DRAXIN: variants seen among roughly 807,000 people sequenced by gnomAD.
DRAXIN encodes dorsal repulsive axon guidance protein.
DRAXIN carries 27 observed loss-of-function variants against 33.9 expected under a neutral mutation model. The ratio of observed to expected loss-of-function variants is 0.80; its 90% CI spans 0.59 to 1.10. DRAXIN has a LOEUF of 1.10. DRAXIN is among the 50% of genes least tolerant of loss of function. The pLI is 0.00. For synonymous variants in DRAXIN, 178 were observed against 194.0 expected (o/e 0.92, Z 0.69); for missense variants, 371 against 460.8 (o/e 0.81, Z 1.78).
chr1:11,690,618 A>C (rs2100723848), upstream of DRAXIN, among the ~76,000 whole-genome samples: 1 of 152,322 alleles, frequency 6.6e-6, no homozygotes, highest in East Asian at 1.9e-4. The surrounding 1 kb of genome is among the most constrained non-coding windows in gnomAD (Gnocchi z 4.2). Context: ...CTGGAGAAAG[A>C]AAACAGTCGA....
chr1:11,688,520 C>G (rs886395105), upstream of DRAXIN, among the ~76,000 whole-genome samples: 1 of 151,868 alleles, frequency 6.6e-6, no homozygotes, highest in Non-Finnish European at 1.5e-5. This position sits in a 1 kb window ranked among gnomAD's most constrained non-coding sequence, Gnocchi z 4.6. Context: ...AAGATCGCGC[C>G]ACTGCACTCC....
intron 5 of DRAXIN, among the ~76,000 whole-genome samples, chr1:11,714,866 C>T (rs1358056826): frequency 1.3e-5 from 2 of 152,248 alleles, no homozygotes; most frequent in African/African-American, 4.8e-5. Flanking sequence ...GACCTCACAC[C>T]ACCTTCGCTC....
chr1:11,701,176 C>T (rs1020184419), intron 1 of DRAXIN, among the ~76,000 whole-genome samples: 1 of 152,168 alleles, frequency 6.6e-6, no homozygotes, highest in African/African-American at 2.4e-5. Flanking sequence ...TGACTGCACT[C>T]AAGGAGGAAG....
At chr1:11,714,251 A>G (rs954215930) in intron 5 of DRAXIN, among the ~76,000 whole-genome samples, 2 of 141,306 alleles carry the variant, frequency 1.4e-5, no homozygotes, top group African/African-American at 5.0e-5. Flanking sequence ...GGGGTGGGCT[A>G]GGGGTGGGAA....
At chr1:11,703,767 G>T (rs1347183392) in intron 1 of DRAXIN, among the ~76,000 whole-genome samples, 1 of 152,172 alleles carries the variant, frequency 6.6e-6, no homozygotes, top group African/African-American at 2.4e-5. Context: ...GTTCTTGAAG[G>T]GTGGGAGGGA....
At chr1:11,689,742 T>C (rs1369050968), upstream of DRAXIN, among the ~76,000 whole-genome samples, 1 of 152,222 alleles carries the variant, frequency 6.6e-6, no homozygotes, top group Admixed American at 6.5e-5. Flanking sequence ...TTTATTCCTC[T>C]ACTGTCTTAA....
At position 11,719,596 on chromosome 1, in the gene DRAXIN, A is replaced by G. The variant is rs146986092; in HGVS notation, c.950A>G (p.Tyr317Cys). ...DCMCVEGLRCYAKFHRNRRVT... is the reference protein window; with the variant it reads ...DCMCVEGLRCCAKFHRNRRVT... ...TCCACTCGCCCAGGGCTGCGCTGCT[A>G]TGCCAAATTCCACCGGAACCGCAGG... is the stretch of plus-strand genomic sequence containing the variant. The change falls in exon 7 of 7, where the codon TAT becomes TGT. Residue 317 changes from tyrosine (Y) to cysteine (C), a missense_variant. Tyr to Cys is a radical substitution (Grantham distance 194, BLOSUM62 -2). Coordinates refer to ENST00000294485, the MANE Select transcript of DRAXIN (RefSeq NM_198545.4). 1.9e-6 allele frequency: 3 copies of G among 1,613,100 alleles called. No individual in the cohort carries two copies. Among genetic ancestry groups the G allele is most frequent in the African/African-American group, 1.3e-5 (1 of 75,048 alleles).
chr1:11,710,143 C>T (rs1413228601), intron 3 of DRAXIN, among the ~76,000 whole-genome samples: 2 of 150,994 alleles, frequency 1.3e-5, no homozygotes, highest in Admixed American at 6.6e-5. Flanking sequence ...CAAGATCGCC[C>T]CACTGCACAC....
intron 3 of DRAXIN, 87 bp from the exon 4 acceptor site, chr1:11,711,762 CCT>C: frequency 4.8e-6 from 6 of 1,256,614 alleles, no homozygotes; most frequent in Non-Finnish European, 6.8e-6. Flanking sequence ...CTCTGAGAAG[CCT>C]CTTTTTTGTC....
At chr1:11,687,768 A>G (rs114161173), upstream of DRAXIN, among the ~76,000 whole-genome samples, 657 of 152,338 alleles carry the variant, frequency 4.3e-3, 3 homozygotes, top group African/African-American at 0.015. The surrounding 1 kb of genome is among the most constrained non-coding windows in gnomAD (Gnocchi z 4.1). Flanking sequence ...TAATGTTTTC[A>G]AGATTCATCC....
At chr1:11,712,192 C>A in intron 4 of DRAXIN, 148 bp from the exon 5 acceptor site, 1 of 981,964 alleles carries the variant, frequency 1.0e-6, no homozygotes, top group Non-Finnish European at 1.6e-6. Context: ...TCATGTTACC[C>A]TGAGGGAAAA....
At chr1:11,713,951 G>A (rs1031583455) in intron 5 of DRAXIN, among the ~76,000 whole-genome samples, 12 of 152,150 alleles carry the variant, frequency 7.9e-5, no homozygotes, top group African/African-American at 2.9e-4. Context: ...AGAATTGCTT[G>A]AACCTGGGAG....
chr1:11,697,698 G>C (rs890966602), intron 1 of DRAXIN, among the ~76,000 whole-genome samples: 3 of 152,068 alleles, frequency 2.0e-5, no homozygotes, highest in Non-Finnish European at 2.9e-5. Context: ...GAGGGGCTCA[G>C]CTAGTGGCTG....
chr1:11,706,101 TA>T lies in DRAXIN; in HGVS notation c.-10-144del. On this transcript the variant is annotated intron_variant, in intron 1 of 6. Coordinates refer to ENST00000294485, the MANE Select transcript of DRAXIN (RefSeq NM_198545.4). This position sits in a 1 kb window ranked among gnomAD's most constrained non-coding sequence, Gnocchi z 5.5. ...AGTAGCACTCCCCAGTTTTGACAAC[TA>T]AAATATGTCTTCGGGCATTGCCAAA... The T allele has an allele frequency of 1.2e-6, 1 of 804,346 alleles. No homozygotes were observed. Among genetic ancestry groups the T allele is most frequent in the Non-Finnish European group, 1.9e-6 (1 of 535,724 alleles). 49.8% of individuals were successfully genotyped at this position (804,346 alleles called of 1,614,324 possible). A position where few individuals can be genotyped will look rare whatever the true frequency, so the allele number is the denominator to read the frequency against.
At position 11,706,570 on chromosome 1, in the gene DRAXIN, CCTG is replaced by C. The variant is rs1369515582; in HGVS notation, c.317_319del (p.Leu106del). 1 of 1,609,572 alleles carries C rather than the reference CCTG, an allele frequency of 6.2e-7. No individual in the cohort carries two copies. Among genetic ancestry groups the C allele is most frequent in the East Asian group, 2.2e-5 (1 of 44,796 alleles). On this transcript the variant is annotated inframe_deletion, in exon 2 of 7. Coordinates refer to ENST00000294485, the MANE Select transcript of DRAXIN (RefSeq NM_198545.4). The surrounding 1 kb of genome is among the most constrained non-coding windows in gnomAD (Gnocchi z 5.5). ...TGCTGCCTGAGCAGAGTCCTGCAGG[CCTG>C]CTGCAGGACAAGGACCTGCTCCTGG...
chr1:11,711,206 T>C (rs1641490344), intron 3 of DRAXIN, among the ~76,000 whole-genome samples: 1 of 152,198 alleles, frequency 6.6e-6, no homozygotes, highest in African/African-American at 2.4e-5. Context: ...CCCCTTGAGA[T>C]TGTGATAAAA....
chr1:11,706,534 G>T lies in DRAXIN; in HGVS notation c.276G>T (p.Glu92Asp). The change falls in exon 2 of 7, where the codon GAG (glutamate) becomes GAT (aspartate). Residue 92 changes from glutamate (E) to aspartate (D), a missense_variant. By Grantham distance (45) the Glu-to-Asp change is conservative. Coordinates refer to ENST00000294485, the MANE Select transcript of DRAXIN (RefSeq NM_198545.4). This position sits in a 1 kb window ranked among gnomAD's most constrained non-coding sequence, Gnocchi z 5.5. ...TATRQASRLPEAEGLLPEQSP... is the reference protein window; with the variant it reads ...TATRQASRLPDAEGLLPEQSP... Reference sequence around the variant, plus strand: ...CCAGGCAGGCCTCCAGGCTGCCAGAGGCTGAGGGGCTGCTGCCTGAGCAGA... The same window carrying T: ...CCAGGCAGGCCTCCAGGCTGCCAGATGCTGAGGGGCTGCTGCCTGAGCAGA... 6.2e-7 allele frequency: 1 copy of T among 1,611,524 alleles called. No homozygotes were observed.
intron 3 of DRAXIN, among the ~76,000 whole-genome samples, chr1:11,711,218 C>T (rs1641490560): frequency 6.6e-6 from 1 of 152,246 alleles, no homozygotes; most frequent in South Asian, 2.1e-4. Flanking sequence ...GTGATAAAAG[C>T]TGCAGACCAT....
At chr1:11,708,606 CCT>C (rs1641427346) in intron 2 of DRAXIN, among the ~76,000 whole-genome samples, 3 of 152,140 alleles carry the variant, frequency 2.0e-5, no homozygotes, top group Admixed American at 2.0e-4. Context: ...GAATCCAGAC[CCT>C]GCTACTCATG....
Sources: gnomAD v4.1 joint callset for allele counts (sites outside exome capture counted in the v4.1 genomes callset) on GRCh38, gnomAD v4.1.1 for gene constraint, Gnocchi (gnomAD v3.1) non-coding constraint, MANE v1.5 for transcripts, NCBI Gene and HGNC (gene_info 2026-07-23, HGNC 2026-07-21) for gene names.